HCN1: variants seen among roughly 807,000 people sequenced by gnomAD.
The protein encoded by HCN1 is potassium/sodium hyperpolarization-activated cyclic nucleotide-gated channel 1.
HCN1 carries 13 observed loss-of-function variants against 78.9 expected under a neutral mutation model. The observed-to-expected ratio is 0.16, with a 90% CI of 0.11 to 0.26. HCN1 has a LOEUF of 0.26. Ranked by LOEUF, HCN1 falls within the 10% of genes least tolerant of loss-of-function variation. The pLI, the probability that HCN1 is intolerant of heterozygous loss-of-function variation, is 1.00. For missense variants in HCN1, 810 were observed against 1,154.3 expected (o/e 0.70, Z 4.32); for synonymous variants, 552 against 455.5 (o/e 1.21, Z -2.70).
intron 2 of HCN1, chr5:45,644,740 T>A (rs1298463881): frequency 1.8e-5 from 3 of 163,986 alleles, no homozygotes; most frequent in African/African-American, 7.2e-5. Flanking sequence ...TACCCAATCA[T>A]GAATTCAATG....
intron 4 of HCN1, among the ~76,000 whole-genome samples, chr5:45,389,384 C>A (rs1469690238): frequency 1.3e-5 from 2 of 152,136 alleles, no homozygotes; most frequent in Non-Finnish European, 2.9e-5. Flanking sequence ...ATCTTAAAAT[C>A]TCTTATCTCG....
At chr5:45,554,311 A>T (rs568753596) in intron 2 of HCN1, among the ~76,000 whole-genome samples, 133 of 152,012 alleles carry the variant, frequency 8.7e-4, no homozygotes, top group African/African-American at 3.2e-3. Context: ...AGGTTGAATT[A>T]GAAGGCTACT....
intron 2 of HCN1, among the ~76,000 whole-genome samples, chr5:45,479,113 C>A (rs1274414433): frequency 6.9e-6 from 1 of 143,992 alleles, no homozygotes; most frequent in South Asian, 2.2e-4. Flanking sequence ...GGCTACAGAG[C>A]GAGACTGTTT....
chr5:45,375,491 ATAT>A (rs1191825510), intron 4 of HCN1, among the ~76,000 whole-genome samples: 1 of 73,918 alleles, frequency 1.4e-5, no homozygotes, highest in Non-Finnish European at 2.1e-5. Flanking sequence ...TTTATGATAC[ATAT>A]TATATATAAG....
chr5:45,533,304 A>C (rs148942340), intron 2 of HCN1, among the ~76,000 whole-genome samples: 1 of 152,332 alleles, frequency 6.6e-6, no homozygotes, highest in African/African-American at 2.4e-5. Flanking sequence ...AAAAAAACTC[A>C]TAAAAGCAAA....
chr5:45,298,575 G>A (rs1432915342), intron 6 of HCN1, among the ~76,000 whole-genome samples: 2 of 151,994 alleles, frequency 1.3e-5, no homozygotes, highest in African/African-American at 4.8e-5. Flanking sequence ...AATTAATAAA[G>A]TAGTACTGGA....
chr5:45,515,020 T>C (rs1742490463), intron 2 of HCN1, among the ~76,000 whole-genome samples: 1 of 152,000 alleles, frequency 6.6e-6, no homozygotes, highest in Non-Finnish European at 1.5e-5. Context: ...ATTTATTTCT[T>C]AATTATTATG....
At chr5:45,544,812 G>T (rs1441151628) in intron 2 of HCN1, among the ~76,000 whole-genome samples, 1 of 152,084 alleles carries the variant, frequency 6.6e-6, no homozygotes, top group Admixed American at 6.5e-5. Context: ...GTATTCCATG[G>T]TATGTATGTG....
intron 2 of HCN1, among the ~76,000 whole-genome samples, chr5:45,550,252 G>A (rs1743336885): frequency 1.3e-5 from 2 of 152,112 alleles, no homozygotes; most frequent in Non-Finnish European, 2.9e-5. Context: ...TAACCCAAAT[G>A]TCCAACAATG....
At chr5:45,503,644 T>C (rs1314427032) in intron 2 of HCN1, among the ~76,000 whole-genome samples, 1 of 152,194 alleles carries the variant, frequency 6.6e-6, no homozygotes, top group East Asian at 1.9e-4. Flanking sequence ...TATTCAAACA[T>C]TTCATAATTA....
chr5:45,459,100 C>T (rs577577416), intron 3 of HCN1, among the ~76,000 whole-genome samples: 2 of 151,868 alleles, frequency 1.3e-5, no homozygotes, highest in Admixed American at 1.3e-4. Flanking sequence ...CTTCACATCA[C>T]TATTATCCAC....
intron 6 of HCN1, among the ~76,000 whole-genome samples, chr5:45,298,150 A>G (rs1745537049): frequency 6.6e-6 from 1 of 152,040 alleles, no homozygotes; most frequent in Non-Finnish European, 1.5e-5. Flanking sequence ...TGAAGACTTT[A>G]TGAGTTGACT....
intron 1 of HCN1, among the ~76,000 whole-genome samples, chr5:45,694,871 CCTT>C (rs1413526181): frequency 6.6e-6 from 1 of 152,204 alleles, no homozygotes; most frequent in African/African-American, 2.4e-5. Flanking sequence ...GCTTTCCTGT[CCTT>C]CTTCCCGAGC....
chr5:45,317,964 G>T (rs538211371), intron 5 of HCN1, among the ~76,000 whole-genome samples: 1 of 152,134 alleles, frequency 6.6e-6, no homozygotes, highest in Non-Finnish European at 1.5e-5. Flanking sequence ...TACACTGTTG[G>T]TGGGACTGTA....
chr5:45,261,851 A>C lies in HCN1; in HGVS notation c.*70T>G. On this transcript the variant is annotated 3_prime_UTR_variant, in exon 8 of 8. Transcript: ENST00000303230. ...GCTAGAGGGATCTATCAGGAGATAG[A>C]ATAAAATAAGATCTGAGTATAGTCT... 7 of 1,590,368 alleles carry C rather than the reference A, an allele frequency of 4.4e-6. No homozygotes were observed. Among genetic ancestry groups the C allele is most frequent in the Non-Finnish European group, 6.0e-6 (7 of 1,161,698 alleles).
At chr5:45,599,019 A>G (rs1744566488) in intron 2 of HCN1, among the ~76,000 whole-genome samples, 1 of 152,178 alleles carries the variant, frequency 6.6e-6, no homozygotes, top group Non-Finnish European at 1.5e-5. Context: ...TTCCTCAAGG[A>G]TCTAGAACTA....
At chr5:45,386,172 C>T (rs1747903726) in intron 4 of HCN1, among the ~76,000 whole-genome samples, 1 of 147,410 alleles carries the variant, frequency 6.8e-6, no homozygotes, top group Non-Finnish European at 1.5e-5. Context: ...TTCTTGCTTG[C>T]TTATAGATTT....
intron 3 of HCN1, among the ~76,000 whole-genome samples, chr5:45,408,535 G>A (rs1739970539): frequency 2.0e-5 from 3 of 152,046 alleles, no homozygotes; most frequent in Non-Finnish European, 4.4e-5. Context: ...ATATCGTCTA[G>A]GTTTGTGTAA....
At chr5:45,324,870 T>A (rs554206120) in intron 5 of HCN1, among the ~76,000 whole-genome samples, 18 of 151,756 alleles carry the variant, frequency 1.2e-4, no homozygotes, top group Admixed American at 9.9e-4. Context: ...TCAAGGAAAA[T>A]TAAAATAAAT....
Sources: allele counts gnomAD v4.1 joint callset (sites outside exome capture counted in the v4.1 genomes callset), GRCh38; gene constraint gnomAD v4.1.1; transcripts MANE v1.5; gene names NCBI Gene and HGNC (gene_info 2026-07-23, HGNC 2026-07-21).